DNAJB6: variants seen among roughly 807,000 people sequenced by gnomAD.
The protein encoded by DNAJB6 is DnaJ heat shock protein family (Hsp40) member B6.
A neutral mutation model predicts 42.7 loss-of-function variants in DNAJB6; 16 were observed. That is an observed-to-expected ratio of 0.37 (90% CI 0.25 to 0.57). DNAJB6 has a LOEUF of 0.57. Ranked by LOEUF, DNAJB6 falls within the 20% of genes least tolerant of loss-of-function variation. The pLI is 0.74. For missense variants in DNAJB6, 347 were observed against 416.8 expected, an observed-to-expected ratio of 0.83 and a Z score of 1.46; for synonymous variants, 170 against 163.5, an observed-to-expected ratio of 1.04 and a Z score of -0.30.
chr7:157,402,209 G>C (rs1163356677), intron 8 of DNAJB6, among the ~76,000 whole-genome samples: 1 of 152,216 alleles, frequency 6.6e-6, no homozygotes, highest in African/African-American at 2.4e-5. Context: ...GATCCTCCCT[G>C]CTTGGCCTCC....
intron 2 of DNAJB6, among the ~76,000 whole-genome samples, chr7:157,361,772 T>G (rs906379498): frequency 6.6e-6 from 1 of 151,316 alleles, no homozygotes; most frequent in African/African-American, 2.4e-5. Context: ...ATTCATTCAT[T>G]CATGCATTCA....
intron 5 of DNAJB6, among the ~76,000 whole-genome samples, chr7:157,375,830 C>T (rs1373095683): frequency 6.6e-6 from 1 of 152,180 alleles, no homozygotes; most frequent in African/African-American, 2.4e-5. Context: ...AGCGTTTCTC[C>T]CTTTTGAGGG....
rs764390173 is a variant in DNAJB6, at chr7:157,385,545, G to T, written c.625G>T (p.Val209Phe). ...AAATGAATTTTTTTCCTACAGAATT[G>T]TCGAGAACGGTCAAGAAAGAGTAGA... ...NGRKITTKRI[V>F]ENGQERVEVE... The change falls in exon 8 of 10, where the codon GTC becomes TTC. Residue 209 changes from valine to phenylalanine, a missense_variant. This residue lies in a region of DNAJB6 where 264 missense variants were observed against 288.0 expected (regional missense o/e 0.92). Transcript: ENST00000262177. 3 of 1,612,826 alleles carry T rather than the reference G, an allele frequency of 1.9e-6. No homozygotes were observed. In the South Asian group the frequency reaches 3.3e-5, roughly 18 times the overall value.
intron 5 of DNAJB6, among the ~76,000 whole-genome samples, chr7:157,369,853 G>GGGCCCCTTCTTCACATTATTATTAAACA (rs1563128380): frequency 2.9e-5 from 4 of 137,704 alleles, no homozygotes; most frequent in Admixed American, 1.4e-4. Context: ...ATTATTAAAC[G>GGGCCCCTTCTTCACATTATTATTAAACA]GGCCCCTTCT....
chr7:157,347,746 C>T (rs1798760564), intron 1 of DNAJB6, among the ~76,000 whole-genome samples: 1 of 152,166 alleles, frequency 6.6e-6, no homozygotes, highest in East Asian at 1.9e-4. Flanking sequence ...TGATGATTAG[C>T]ATGTCACGTT....
intron 3 of DNAJB6, among the ~76,000 whole-genome samples, chr7:157,364,800 T>C (rs553765773): frequency 8.9e-4 from 136 of 152,308 alleles, no homozygotes; most frequent in African/African-American, 2.8e-3. Context: ...ATGAGGTGTG[T>C]TTTTCATGTC....
Position 157,416,119 on chromosome 7 carries a change from T to G in DNAJB6, c.*21T>G. On this transcript the variant is annotated 3_prime_UTR_variant, in exon 10 of 10. Coordinates refer to ENST00000262177, the MANE Select transcript of DNAJB6 (RefSeq NM_058246.4). ...ACTAGACCGGACTTGAGGCACGCGG[T>G]GCACCCCCAGACGCTGGCGCTCCAC... 1 of 1,609,886 alleles carries G rather than the reference T, an allele frequency of 6.2e-7. No homozygotes were observed.
intron 1 of DNAJB6, among the ~76,000 whole-genome samples, chr7:157,343,162 A>AT (rs35208783): frequency 4.8e-4 from 70 of 145,538 alleles, no homozygotes; most frequent in South Asian, 1.1e-3. Flanking sequence ...CACCCAGGTA[A>AT]TTTTTTTTTT....
intron 1 of DNAJB6, among the ~76,000 whole-genome samples, chr7:157,342,496 C>T (rs1275605226): frequency 6.6e-6 from 1 of 152,082 alleles, no homozygotes; most frequent in Admixed American, 6.6e-5. Context: ...CACCACGACA[C>T]CCAGCTAATT....
At chr7:157,403,066 C>T (rs573218974) in intron 8 of DNAJB6, among the ~76,000 whole-genome samples, 7 of 152,028 alleles carry the variant, frequency 4.6e-5, no homozygotes, top group South Asian at 2.1e-4. Context: ...AGACATGAGG[C>T]GTCCCTACAC....
chr7:157,361,893 T>A (rs779156467), intron 2 of DNAJB6, among the ~76,000 whole-genome samples: 1 of 152,166 alleles, frequency 6.6e-6, no homozygotes, highest in Non-Finnish European at 1.5e-5. Flanking sequence ...CTCAGCCTCC[T>A]GAGTAGCTGG....
chr7:157,376,073 G>A (rs1209259408), intron 5 of DNAJB6, among the ~76,000 whole-genome samples: 2 of 152,194 alleles, frequency 1.3e-5, no homozygotes, highest in African/African-American at 4.8e-5. Context: ...TGAGATGAAC[G>A]TGGTTGGTGG....
At chr7:157,399,380 G>A (rs1038749063) in intron 8 of DNAJB6, among the ~76,000 whole-genome samples, 8 of 152,228 alleles carry the variant, frequency 5.3e-5, no homozygotes, top group African/African-American at 1.9e-4. Flanking sequence ...ACCGCATCAG[G>A]ACATTTTGGC....
intron 8 of DNAJB6, among the ~76,000 whole-genome samples, chr7:157,407,031 G>A (rs1263698965): frequency 1.3e-5 from 2 of 152,248 alleles, no homozygotes. Flanking sequence ...CTGAAGACAG[G>A]TCCTCGGACA....
intron 5 of DNAJB6, 90 bp from the exon 6 acceptor site, chr7:157,382,156 C>A: frequency 1.4e-6 from 2 of 1,398,390 alleles, no homozygotes; most frequent in Non-Finnish European, 1.9e-6. Flanking sequence ...GAATATGTTA[C>A]AAACATCTAT....
chr7:157,339,142 T>C (rs1203259692), intron 1 of DNAJB6, among the ~76,000 whole-genome samples: 1 of 152,134 alleles, frequency 6.6e-6, no homozygotes, highest in Non-Finnish European at 1.5e-5. Context: ...TGGCGTACAT[T>C]AGCTTTCATT....
chr7:157,404,658 A>C (rs923444933), intron 8 of DNAJB6, among the ~76,000 whole-genome samples: 1 of 151,660 alleles, frequency 6.6e-6, no homozygotes, highest in Non-Finnish European at 1.5e-5. Flanking sequence ...CTACAGGCAC[A>C]CGCCACCACA....
chr7:157,392,895 C>T (rs772591238), intron 8 of DNAJB6, among the ~76,000 whole-genome samples: 1 of 152,186 alleles, frequency 6.6e-6, no homozygotes, highest in Non-Finnish European at 1.5e-5. Flanking sequence ...TCTGTTCTAA[C>T]TTATGGAAAA....
chr7:157,362,953 G>A (rs964491574), intron 2 of DNAJB6, among the ~76,000 whole-genome samples: 9 of 152,252 alleles, frequency 5.9e-5, no homozygotes, highest in African/African-American at 2.2e-4. Context: ...GGGTCTATCT[G>A]TGGCTGCACG....
Sources: gnomAD v4.1 joint callset for allele counts (sites outside exome capture counted in the v4.1 genomes callset) on GRCh38, gnomAD v4.1.1 for gene constraint, gnomAD v4.1.1 regional missense constraint, MANE v1.5 for transcripts, NCBI Gene and HGNC (gene_info 2026-07-23, HGNC 2026-07-21) for gene names.